ITGAM: variants seen among roughly 807,000 people sequenced by gnomAD.
ITGAM encodes integrin alpha-M.
ITGAM carries 79 observed loss-of-function variants against 137.5 expected under a neutral mutation model. That is an observed-to-expected ratio of 0.57 (90% CI 0.48 to 0.69). ITGAM has a LOEUF of 0.69. ITGAM is among the 30% of genes least tolerant of loss of function. The pLI is 0.00. For missense variants in ITGAM, 1,343 were observed against 1,483.5 expected (o/e 0.91, Z 1.56); for synonymous variants, 583 against 592.3 (o/e 0.98, Z 0.23).
At chr16:31,302,918 C>CTCTTTCTTTCTTTCTTTCTT (rs67320202) in intron 14 of ITGAM, among the ~76,000 whole-genome samples, 3 of 73,020 alleles carry the variant, frequency 4.1e-5, no homozygotes, top group Non-Finnish European at 7.9e-5. Flanking sequence ...CTTTCCCTCC[C>CTCTTTCTTTCTTTCTTTCTT]TCTTTCTTTC....
Position 31,330,182 on chromosome 16 carries a change from C to T in ITGAM, c.3060+18C>T, listed in dbSNP as rs1395305073. 6 of 1,610,332 alleles carry T rather than the reference C, an allele frequency of 3.7e-6. No individual in the cohort carries two copies. Among genetic ancestry groups the T allele is most frequent in the Non-Finnish European group, 5.1e-6 (6 of 1,177,532 alleles). Reference sequence around the variant, plus strand: ...CCGTGGTGGTGAGAAGCTAAGTCAGCCCCAGGGCCACACAGAGACCCAGAG... The same window carrying T: ...CCGTGGTGGTGAGAAGCTAAGTCAGTCCCAGGGCCACACAGAGACCCAGAG... On this transcript the variant is annotated intron_variant, in intron 26 of 29. Transcript: ENST00000544665.
At position 31,275,649 on chromosome 16, in the gene ITGAM, C is replaced by T; in HGVS notation, c.959C>T (p.Ala320Val). 6.2e-7 allele frequency: 1 copy of T among 1,613,878 alleles called. No homozygotes were observed. The highest frequency in any genetic ancestry group is 8.5e-7 in the Non-Finnish European group (1 of 1,179,816). ...DHVFQVNNFE[A>V]LKTIQNQLRE... ...GTGTTCCAGGTGAATAACTTTGAGGCTCTGAAGACCATTCAGAACCAGCTT... is the reference window on the plus strand; with the variant it reads ...GTGTTCCAGGTGAATAACTTTGAGGTTCTGAAGACCATTCAGAACCAGCTT... The change falls in exon 9 of 30, where the codon GCT becomes GTT. Residue 320 changes from alanine to valine, a missense_variant. Coordinates refer to ENST00000544665, the MANE Select transcript of ITGAM (RefSeq NM_000632.4).
At position 31,331,736 on chromosome 16, in the gene ITGAM, G is replaced by A. The variant is rs1242536389; in HGVS notation, c.*29G>A. The stretch of plus-strand genomic sequence containing the variant: ...CTCCTTCCCGACAGAGCTGCCTCTC[G>A]GTGGCCAGCAGGACTCTGCCCAGAC... On this transcript the variant is annotated 3_prime_UTR_variant, in exon 30 of 30. Transcript: ENST00000544665. 2.6e-6 allele frequency: 4 copies of A among 1,551,686 alleles called. No homozygotes were observed. Among genetic ancestry groups the A allele is most frequent in the Non-Finnish European group, 3.5e-6 (4 of 1,143,012 alleles).
chr16:31,282,885 C>A (rs2079985283), intron 12 of ITGAM, among the ~76,000 whole-genome samples: 1 of 152,160 alleles, frequency 6.6e-6, no homozygotes, highest in African/African-American at 2.4e-5. Flanking sequence ...TTTAGTGCTT[C>A]CTTCAGGAGC....
At chr16:31,275,402 T>C (rs2079895419) in intron 8 of ITGAM, 147 bp from the exon 9 acceptor site, 1 of 823,336 alleles carries the variant, frequency 1.2e-6, no homozygotes, top group African/African-American at 1.7e-5. Context: ...CCTGCCCAAC[T>C]ATACCTGGCA....
At chr16:31,325,855 C>T (rs1026924990) in intron 21 of ITGAM, among the ~76,000 whole-genome samples, 3 of 152,000 alleles carry the variant, frequency 2.0e-5, no homozygotes, top group Admixed American at 6.6e-5. Context: ...CGCTTGAGCC[C>T]GAGAGTTTGA....
At chr16:31,328,777 GGTGT>G (rs56784976) in intron 23 of ITGAM, among the ~76,000 whole-genome samples, 2,136 of 111,516 alleles carry the variant, frequency 0.019, 34 homozygotes, top group African/African-American at 0.047. Context: ...TGTGCGCATG[GGTGT>G]GTATTTGTGC....
At chr16:31,277,577 C>T (rs1165556074) in intron 11 of ITGAM, among the ~76,000 whole-genome samples, 4 of 152,002 alleles carry the variant, frequency 2.6e-5, no homozygotes, top group Admixed American at 2.0e-4. Flanking sequence ...AGGCTGGTCG[C>T]GAACTCCCAA....
intron 5 of ITGAM, among the ~76,000 whole-genome samples, chr16:31,266,801 C>G (rs574640219): frequency 6.6e-6 from 1 of 151,478 alleles, no homozygotes; most frequent in African/African-American, 2.4e-5. Flanking sequence ...TCCTGGGGGG[C>G]GGCCTTCCAC....
intron 14 of ITGAM, among the ~76,000 whole-genome samples, chr16:31,303,581 A>G (rs930643195): frequency 4.6e-5 from 7 of 152,122 alleles, no homozygotes; most frequent in Admixed American, 2.0e-4. Context: ...TACCAAATAT[A>G]TAGTCTTTTG....
At chr16:31,273,091 G>A (rs1342428306) in intron 7 of ITGAM, among the ~76,000 whole-genome samples, 1 of 152,018 alleles carries the variant, frequency 6.6e-6, no homozygotes, top group Non-Finnish European at 1.5e-5. Flanking sequence ...TTGAGGCCAG[G>A]AGTTTGAGAC....
rs758419147 is a variant in ITGAM at position 31,328,182 on chromosome 16, T to G, written c.2744T>G (p.Phe915Cys). 1.9e-6 allele frequency: 3 copies of G among 1,613,940 alleles called. No homozygotes were observed. The highest frequency in any genetic ancestry group is 1.6e-4 in the Middle Eastern group (1 of 6,062). Reference sequence around the variant, plus strand: ...ATGCCCAGAACCAACAAAACCGAATTCCAACTGGAGCTGCCGGTGAAATAT... The same window carrying G: ...ATGCCCAGAACCAACAAAACCGAATGCCAACTGGAGCTGCCGGTGAAATAT... ...NNMPRTNKTE[F>C]QLELPVKYAV... The change falls in exon 23 of 30, where the codon TTC becomes TGC. Residue 915 changes from phenylalanine (F) to cysteine (C), a missense_variant. Coordinates refer to ENST00000544665, the MANE Select transcript of ITGAM (RefSeq NM_000632.4).
At chr16:31,329,938 C>CCTGCG in intron 25 of ITGAM, 33 bp downstream of exon 25, 1 of 1,539,848 alleles carries the variant, frequency 6.5e-7, no homozygotes. Flanking sequence ...CCTGCACGGC[C>CCTGCG]CTGCGCGTTC....
intron 5 of ITGAM, among the ~76,000 whole-genome samples, chr16:31,267,283 G>A (rs1024279616): frequency 2.0e-5 from 3 of 152,036 alleles, no homozygotes; most frequent in East Asian, 1.9e-4. Flanking sequence ...GACCACAGGC[G>A]AATGTTTCTC....
intron 6 of ITGAM, 75 bp from the exon 7 acceptor site, chr16:31,271,772 T>C (rs191675870): frequency 2.6e-6 from 4 of 1,567,480 alleles, no homozygotes; most frequent in Non-Finnish European, 3.5e-6. Context: ...TTTAAGATCT[T>C]CGTGGAGCTT....
intron 12 of ITGAM, among the ~76,000 whole-genome samples, chr16:31,291,990 C>G (rs1175735769): frequency 6.6e-6 from 1 of 152,008 alleles, no homozygotes; most frequent in Non-Finnish European, 1.5e-5. Context: ...CAACGGATAT[C>G]CCAGTTACCC....
Position 31,271,703 on chromosome 16 carries a change from C to A in ITGAM, c.559-144C>A, listed in dbSNP as rs919184175. ...GAGATGGGAGCTGCTGGCAGCTCTC[C>A]GTCCTGGTGAGGCAGGGGATTAGGG... On this transcript the variant is annotated intron_variant, in intron 6 of 29. Coordinates refer to ENST00000544665, the MANE Select transcript of ITGAM (RefSeq NM_000632.4). 14 of 967,874 alleles carry A rather than the reference C, an allele frequency of 1.4e-5. No homozygotes were observed. The Admixed American group carries it at 1.5e-4, about 10-fold the overall frequency. 60.0% of individuals were successfully genotyped at this position (967,874 alleles called of 1,614,324 possible).
intron 1 of ITGAM, among the ~76,000 whole-genome samples, chr16:31,261,071 A>G (rs1421903930): frequency 6.6e-6 from 1 of 152,198 alleles, no homozygotes; most frequent in Non-Finnish European, 1.5e-5. Flanking sequence ...CTGTTTACAG[A>G]ATAAGTGTGC....
In ITGAM at chr16:31,271,014, C is replaced by T. The variant is rs1396893430; in HGVS notation, c.488C>T (p.Pro163Leu). The stretch of plus-strand genomic sequence containing the variant: ...ATTGATGGCTCTGGTAGCATCATCC[C>T]ACATGACTTTCGGCGGATGAAGGAG... Reference protein sequence around the residue: ...FLIDGSGSIIPHDFRRMKEFV... With the variant: ...FLIDGSGSIILHDFRRMKEFV... The change falls in exon 6 of 30, where the codon CCA (proline) becomes CTA (leucine). Residue 163 changes from proline to leucine, a missense_variant. Physicochemically the swap from Pro to Leu is moderately conservative, Grantham distance 98. Transcript: ENST00000544665. The T allele has an allele frequency of 1.3e-6, 2 of 1,590,988 alleles. No homozygotes were observed. Among genetic ancestry groups the T allele is most frequent in the Non-Finnish European group, 1.7e-6 (2 of 1,166,252 alleles).
Sources: allele counts gnomAD v4.1 joint callset (sites outside exome capture counted in the v4.1 genomes callset), GRCh38; gene constraint gnomAD v4.1.1; transcripts MANE v1.5; gene names NCBI Gene and HGNC (gene_info 2026-07-23, HGNC 2026-07-21).